The following MED13L variants were observed in gnomAD, a reference collection of about 807,000 sequenced individuals.
The protein encoded by MED13L is mediator complex subunit 13L.
A neutral mutation model predicts 220.9 loss-of-function variants in MED13L; 7 were observed. The observed-to-expected ratio is 0.03, with a 90% CI of 0.02 to 0.06. The LOEUF (loss-of-function observed/expected upper bound fraction) is 0.06, where lower values mean the gene tolerates loss of function less well. Among genes scored for constraint, MED13L ranks in the 10% least tolerant of loss-of-function variants. The pLI is 1.00. For synonymous variants in MED13L, 1,011 were observed against 1,015.2 expected, an observed-to-expected ratio of 1.00 and a Z score of 0.08; for missense variants, 1,965 against 2,760.5, an observed-to-expected ratio of 0.71 and a Z score of 6.46.
At chr12:116,277,017 C>T (rs757101487) in intron 1 of MED13L, 43 bp downstream of exon 1, 7 of 1,399,198 alleles carry the variant, frequency 5.0e-6, no homozygotes, top group Non-Finnish European at 6.9e-6. Flanking sequence ...GGGACCCCCC[C>T]CCTTCCCCGG....
intron 4 of MED13L, among the ~76,000 whole-genome samples, chr12:116,063,347 C>CTAAAAA (rs892019317): frequency 5.1e-4 from 78 of 152,030 alleles, no homozygotes; most frequent in Non-Finnish European, 3.1e-4. Flanking sequence ...CTCCTTTCCA[C>CTAAAAA]TAAAAATAAA....
chr12:116,120,471 T>TCACACA (rs1253496644), intron 2 of MED13L, among the ~76,000 whole-genome samples: 11 of 114,588 alleles, frequency 9.6e-5, no homozygotes, highest in East Asian at 2.8e-4. Flanking sequence ...TCTCTCTCTC[T>TCACACA]CTCTCTCACA....
intron 2 of MED13L, among the ~76,000 whole-genome samples, chr12:116,225,148 A>T (rs979603445): frequency 6.6e-6 from 1 of 152,212 alleles, no homozygotes; most frequent in African/African-American, 2.4e-5. Flanking sequence ...TGTTTTTGCT[A>T]TGTGCTAAGT....
intron 28 of MED13L, among the ~76,000 whole-genome samples, chr12:115,967,251 T>C (rs1016099316): frequency 1.3e-4 from 20 of 148,326 alleles, no homozygotes; most frequent in African/African-American, 4.7e-4. Flanking sequence ...ACTGTATCAA[T>C]TCTGAGTTGG....
rs556623171 is a variant in MED13L at position 115,988,491 on chromosome 12, C to T, written c.3935-1203G>A. On this transcript the variant is annotated intron_variant, in intron 17 of 30. Coordinates refer to ENST00000281928, the MANE Select transcript of MED13L (RefSeq NM_015335.5). Reference sequence around the variant, plus strand: ...CATTGCCTTTTATCTTCAGCCAGTGCTTCTTTTTACATATAGTAAACAACA... The same window carrying T: ...CATTGCCTTTTATCTTCAGCCAGTGTTTCTTTTTACATATAGTAAACAACA... Among the ~76,000 whole-genome samples the T allele has an allele frequency of 7.9e-5, 12 of 152,270 alleles. No individual in the cohort carries two copies. The South Asian group carries it at 2.5e-3, about 32-fold the overall frequency.
At position 116,230,576 on chromosome 12, in the gene MED13L, C is replaced by T. The variant is rs1056642957; in HGVS notation, c.310+6892G>A. 13 of 652,268 alleles carry T rather than the reference C, an allele frequency of 2.0e-5. 1 individual carries two copies. In the South Asian group the frequency reaches 2.1e-4, roughly 10 times the overall value. 40.4% of individuals were successfully genotyped at this position (652,268 alleles called of 1,614,324 possible). A position where few individuals can be genotyped will look rare whatever the true frequency, so the allele number is the denominator to read the frequency against. On this transcript the variant is annotated intron_variant, in intron 2 of 30. Transcript: ENST00000281928. ...CAAATACTGCAAATACAATTCCTTT[C>T]CAATTCAGTCAGGGATTAATTTCAA...
intron 2 of MED13L, among the ~76,000 whole-genome samples, chr12:116,209,886 TA>T (rs1349847137): frequency 4.6e-5 from 7 of 152,184 alleles, no homozygotes; most frequent in Admixed American, 1.3e-4. Context: ...TAGCATAAGT[TA>T]GGATTCAAGA....
At chr12:116,164,845 C>T (rs1047208892) in intron 2 of MED13L, among the ~76,000 whole-genome samples, 1 of 152,166 alleles carries the variant, frequency 6.6e-6, no homozygotes, top group Non-Finnish European at 1.5e-5. Context: ...AATTCAAGAA[C>T]CACTCTATAC....
chr12:115,992,523 T>G (rs982254475), intron 16 of MED13L, among the ~76,000 whole-genome samples: 2 of 152,208 alleles, frequency 1.3e-5, no homozygotes, highest in African/African-American at 2.4e-5. Context: ...ATTTTCAAAA[T>G]GCAGCCCTAT....
intron 4 of MED13L, among the ~76,000 whole-genome samples, chr12:116,024,761 T>C (rs1455026264): frequency 2.3e-5 from 1 of 44,120 alleles, no homozygotes; most frequent in Non-Finnish European, 4.0e-5. Context: ...TTCATGCTTT[T>C]TTTTGGCGGG....
intron 3 of MED13L, among the ~76,000 whole-genome samples, chr12:116,098,989 G>C (rs1300320716): frequency 1.3e-5 from 2 of 152,062 alleles, no homozygotes; most frequent in African/African-American, 4.8e-5. Flanking sequence ...CCAAGTTTCT[G>C]CAATAATATT....
At chr12:116,167,864 A>G (rs1314821268) in intron 2 of MED13L, among the ~76,000 whole-genome samples, 2 of 152,196 alleles carry the variant, frequency 1.3e-5, no homozygotes, top group East Asian at 3.8e-4. Context: ...GATGGACTAT[A>G]TTTAATACAA....
intron 2 of MED13L, among the ~76,000 whole-genome samples, chr12:116,135,402 C>A (rs893410851): frequency 3.3e-5 from 5 of 152,178 alleles, no homozygotes; most frequent in African/African-American, 1.2e-4. Flanking sequence ...ACATGAGTCA[C>A]AAATGTGAAT....
At chr12:116,091,680 T>G (rs1872227682) in intron 4 of MED13L, among the ~76,000 whole-genome samples, 1 of 152,246 alleles carries the variant, frequency 6.6e-6, no homozygotes, top group African/African-American at 2.4e-5. Context: ...CCATTTATAA[T>G]GCAAGCTACT....
At chr12:115,970,490 T>C in intron 27 of MED13L, 104 bp downstream of exon 27, 1 of 1,219,994 alleles carries the variant, frequency 8.2e-7, no homozygotes, top group Non-Finnish European at 1.2e-6. Flanking sequence ...AGTTCCTGGG[T>C]TGTTTATTAC....
chr12:116,006,076 A>G (rs1192937852), intron 12 of MED13L, 83 bp from the exon 13 acceptor site: 8 of 1,562,056 alleles, frequency 5.1e-6, no homozygotes, highest in Non-Finnish European at 7.0e-6. Flanking sequence ...ATCTCAATGA[A>G]CATGACCTGC....
chr12:116,060,234 C>T (rs1370424923), intron 4 of MED13L, among the ~76,000 whole-genome samples: 1 of 151,804 alleles, frequency 6.6e-6, no homozygotes, highest in Non-Finnish European at 1.5e-5. Flanking sequence ...TCGAATTAGA[C>T]ACATTTCTAA....
intron 23 of MED13L, among the ~76,000 whole-genome samples, chr12:115,978,496 T>G (rs1262187925): frequency 1.3e-5 from 2 of 152,050 alleles, no homozygotes; most frequent in African/African-American, 4.8e-5. Flanking sequence ...CTGGCTAATT[T>G]TTTTATTTTT....
chr12:115,973,793 A>G (rs1378030947), intron 25 of MED13L, among the ~76,000 whole-genome samples: 2 of 152,240 alleles, frequency 1.3e-5, no homozygotes, highest in Non-Finnish European at 2.9e-5. Context: ...CCTTTAAAAA[A>G]TGAAAAGGGT....
Sources: allele counts gnomAD v4.1 joint callset (sites outside exome capture counted in the v4.1 genomes callset), GRCh38; gene constraint gnomAD v4.1.1; transcripts MANE v1.5; gene names NCBI Gene and HGNC (gene_info 2026-07-23, HGNC 2026-07-21).